The following ZNF620 variants were observed in gnomAD, a reference collection of about 807,000 sequenced individuals.
The protein encoded by ZNF620 is zinc finger protein 620.
Under a neutral mutation model 13.3 loss-of-function variants are expected in ZNF620, and 10 were observed. The observed-to-expected ratio is 0.75, with a 90% CI of 0.46 to 1.28. ZNF620 has a LOEUF of 1.28. Ranked by LOEUF, ZNF620 falls within the 50% of genes most tolerant of loss-of-function variation. The probability of loss-of-function intolerance (pLI) is 0.00; values close to 1 mark genes in which losing one functional copy is unlikely to be tolerated. For synonymous variants in ZNF620, 166 were observed against 177.6 expected (o/e 0.93, Z 0.52); for missense variants, 461 against 500.2 (o/e 0.92, Z 0.75).
intron 3 of ZNF620, 93 bp downstream of exon 3, chr3:40,511,689 T>C (rs1698204103): frequency 9.4e-7 from 1 of 1,065,518 alleles, no homozygotes; most frequent in Non-Finnish European, 1.3e-6. Flanking sequence ...TCTTTTTTTC[T>C]TTTTTTTTTG....
At chr3:40,514,591 C>G (rs1355044665) in intron 4 of ZNF620, among the ~76,000 whole-genome samples, 1 of 152,066 alleles carries the variant, frequency 6.6e-6, no homozygotes, top group East Asian at 1.9e-4. Flanking sequence ...GAGCGAGACT[C>G]TGTCTCAAAA....
At chr3:40,509,710 A>C (rs1269797736) in intron 2 of ZNF620, among the ~76,000 whole-genome samples, 1 of 152,108 alleles carries the variant, frequency 6.6e-6, no homozygotes, top group African/African-American at 2.4e-5. Context: ...TTCCATCTCT[A>C]TGCAGCCCTC....
rs1698446597 is a variant in ZNF620, at chr3:40,518,510, C to T, written c.*1647C>T. On this transcript the variant is annotated 3_prime_UTR_variant, in exon 5 of 5. Transcript: ENST00000314529. ...CTTTGGGAGGCTGAGGTGGGCAGATCACAAGGTCAGGAGATCAAGACCATC... is the reference window on the plus strand; with the variant it reads ...CTTTGGGAGGCTGAGGTGGGCAGATTACAAGGTCAGGAGATCAAGACCATC... 1 of 152,034 alleles carries T rather than the reference C, an allele frequency of 6.6e-6. No individual in the cohort carries two copies. Among genetic ancestry groups the T allele is most frequent in the Non-Finnish European group, 1.5e-5 (1 of 68,036 alleles). 9.4% of individuals were successfully genotyped at this position (152,034 alleles called of 1,614,324 possible).
In ZNF620 at chr3:40,518,179, A is replaced by C. The variant is rs1698442880; in HGVS notation, c.*1316A>C. 1 of 152,238 alleles carries C rather than the reference A, an allele frequency of 6.6e-6. No individual in the cohort carries two copies. Among genetic ancestry groups the C allele is most frequent in the Non-Finnish European group, 1.5e-5 (1 of 68,042 alleles). The allele number at this position is 152,238 out of a possible 1,614,324, so 9.4% of individuals were successfully genotyped here. On this transcript the variant is annotated 3_prime_UTR_variant, in exon 5 of 5. Transcript: ENST00000314529. Reference sequence around the variant, plus strand: ...TACCTGTGGAAATGAGGGAAGATGTAAATGTGTTAGGTTTTAGCATCCCCT... The same window carrying C: ...TACCTGTGGAAATGAGGGAAGATGTCAATGTGTTAGGTTTTAGCATCCCCT...
At chr3:40,512,275 A>AT in intron 3 of ZNF620, 127 bp from the exon 4 acceptor site, 1 of 784,562 alleles carries the variant, frequency 1.3e-6, no homozygotes, top group Non-Finnish European at 2.2e-6. Flanking sequence ...AGCAGCATAG[A>AT]TTAAGTTTCT....
chr3:40,513,509 C>T (rs1377148900), intron 4 of ZNF620, among the ~76,000 whole-genome samples: 4 of 150,788 alleles, frequency 2.7e-5, no homozygotes, highest in Non-Finnish European at 4.4e-5. Context: ...CGTGGTAGCA[C>T]GTGCCTGTAA....
intron 2 of ZNF620, among the ~76,000 whole-genome samples, chr3:40,509,209 T>G (rs909171452): frequency 6.6e-6 from 1 of 152,062 alleles, no homozygotes; most frequent in Non-Finnish European, 1.5e-5. Context: ...TTCCTTTTAT[T>G]CTCTTTTTCT....
rs181698280 is a variant in ZNF620 at position 40,506,614 on chromosome 3, G to C, written c.24+238G>C. Among the ~76,000 whole-genome samples the C allele has an allele frequency of 8.5e-4, 129 of 152,274 alleles. 1 individual carries two copies. The highest frequency in any genetic ancestry group is 8.4e-3 in the Admixed American group (129 of 15,298). ...TTAAAAATAAAAATTATGAAATGTG[G>C]AAATCTGCATTATTACATCCAATAA... is the stretch of plus-strand genomic sequence containing the variant. On this transcript the variant is annotated intron_variant, in intron 2 of 4. Coordinates refer to ENST00000314529, the MANE Select transcript of ZNF620 (RefSeq NM_175888.4).
intron 4 of ZNF620, among the ~76,000 whole-genome samples, chr3:40,512,759 T>G (rs796363959): frequency 6.6e-6 from 1 of 152,184 alleles, no homozygotes; most frequent in South Asian, 2.1e-4. Context: ...CCTCACAACC[T>G]GCCAAGGGAG....
chr3:40,513,302 T>TAAAAAA (rs1212657603), intron 4 of ZNF620, among the ~76,000 whole-genome samples: 6 of 37,988 alleles, frequency 1.6e-4, no homozygotes, highest in East Asian at 1.0e-3. Context: ...CCGTCTCAAC[T>TAAAAAA]AAAAAAAAAA....
At position 40,516,440 on chromosome 3, in the gene ZNF620, T is replaced by A; in HGVS notation, c.846T>A (p.Cys282Ter). The change falls in exon 5 of 5, where the codon TGT becomes TGA. Residue 282 changes from cysteine (C) to a stop codon, truncating the protein, a stop_gained. Transcript: ENST00000314529. LOFTEE classifies it low-confidence loss of function (END_TRUNC). ...RIHTGEKPYECKECGKAFSSS... is the reference protein window; with the variant it reads ...RIHTGEKPYE ...ACACTGGAGAAAAGCCCTATGAATG[T>A]AAGGAGTGCGGCAAGGCCTTCAGTA... 1 of 1,614,162 alleles carries A rather than the reference T, an allele frequency of 6.2e-7. No homozygotes were observed. The highest frequency in any genetic ancestry group is 8.5e-7 in the Non-Finnish European group (1 of 1,179,986).
chr3:40,506,694 A>G (rs989344487), intron 2 of ZNF620, among the ~76,000 whole-genome samples: 1 of 152,226 alleles, frequency 6.6e-6, no homozygotes, highest in Non-Finnish European at 1.5e-5. Flanking sequence ...TCTTCAGTAT[A>G]GCAATTCTAG....
intron 2 of ZNF620, 109 bp from the exon 3 acceptor site, chr3:40,511,361 C>T: frequency 1.4e-6 from 2 of 1,450,958 alleles, no homozygotes; most frequent in South Asian, 1.3e-5. Flanking sequence ...TGGTGGAGTG[C>T]TGGATAACTG....
chr3:40,516,233 A>G lies in ZNF620; in HGVS notation c.639A>G (p.Arg213=). 1 of 1,614,138 alleles carries G rather than the reference A, an allele frequency of 6.2e-7. No homozygotes were observed. Among genetic ancestry groups the G allele is most frequent in the Non-Finnish European group, 8.5e-7 (1 of 1,180,046 alleles). ...TCATTCAAATGGCAGACTTCCACCG[A>G]CATGAGAAATGTCACACTGGTGAAA... The part of the protein sequence containing the change: ...RYFIQMADFH[R]HEKCHTGEKS... Residue 213 remains arginine, a synonymous_variant, in exon 5 of 5, where the codon CGA becomes CGG. Coordinates refer to ENST00000314529, the MANE Select transcript of ZNF620 (RefSeq NM_175888.4).
chr3:40,515,723 C>G (rs1182710621), intron 4 of ZNF620, 137 bp from the exon 5 acceptor site: 2 of 1,039,074 alleles, frequency 1.9e-6, no homozygotes, highest in East Asian at 5.1e-5. Context: ...TAGAAAATAT[C>G]CATATATTCA....
chr3:40,506,201 G>T (rs1698009741), intron 1 of ZNF620, 63 bp downstream of exon 1: 1 of 951,796 alleles, frequency 1.1e-6, no homozygotes. Flanking sequence ...GCTTTTTGGG[G>T]TGAGGAGTTG....
In ZNF620 at chr3:40,506,108, G is replaced by C. The variant is rs890497913; in HGVS notation, c.-80G>C. On this transcript the variant is annotated 5_prime_UTR_variant, in exon 1 of 5. Coordinates refer to ENST00000314529, the MANE Select transcript of ZNF620 (RefSeq NM_175888.4). ...TCTGCGCCTGCGCCGCGCGGGATTCGCGGTCCGAGCTGAAGAGGTTCGCGG... is the reference window on the plus strand; with the variant it reads ...TCTGCGCCTGCGCCGCGCGGGATTCCCGGTCCGAGCTGAAGAGGTTCGCGG... 71 of 584,788 alleles carry C rather than the reference G, an allele frequency of 1.2e-4. No individual in the cohort carries two copies. Among genetic ancestry groups the C allele is most frequent in the Non-Finnish European group, 2.1e-4 (67 of 326,630 alleles). 36.2% of individuals were successfully genotyped at this position (584,788 alleles called of 1,614,324 possible). A position where few individuals can be genotyped will look rare whatever the true frequency, so the allele number is the denominator to read the frequency against.
At chr3:40,506,264 C>A (rs957596918) in intron 1 of ZNF620, 40 bp from the exon 2 acceptor site, 3 of 1,540,140 alleles carry the variant, frequency 1.9e-6, no homozygotes. Flanking sequence ...GGGTGCGAGG[C>A]AGCATCAATC....
intron 2 of ZNF620, 109 bp from the exon 3 acceptor site, chr3:40,511,361 C>G (rs1338522205): frequency 1.4e-6 from 2 of 1,450,840 alleles, no homozygotes; most frequent in East Asian, 2.4e-5. Context: ...TGGTGGAGTG[C>G]TGGATAACTG....
Sources: gnomAD v4.1 joint callset for allele counts (sites outside exome capture counted in the v4.1 genomes callset) on GRCh38, gnomAD v4.1.1 for gene constraint, MANE v1.5 for transcripts, NCBI Gene and HGNC (gene_info 2026-07-23, HGNC 2026-07-21) for gene names.